PGBD2: variants seen among roughly 807,000 people sequenced by gnomAD.
PGBD2 encodes the protein piggyBac transposable element derived 2.
Under a neutral mutation model 8.1 loss-of-function variants are expected in PGBD2, and 6 were observed. The ratio of observed to expected loss-of-function variants is 0.74; its 90% CI spans 0.40 to 1.46. PGBD2 has a LOEUF of 1.46. PGBD2 is among the 40% of genes most tolerant of loss of function. PGBD2 has a pLI of 0.02. For synonymous variants in PGBD2, 318 were observed against 272.2 expected, an observed-to-expected ratio of 1.17 and a Z score of -1.66; for missense variants, 802 against 739.0, an observed-to-expected ratio of 1.09 and a Z score of -0.99.
chr1:248,910,549 C>T (rs1048769216), intron 1 of PGBD2, among the ~76,000 whole-genome samples: 6 of 152,290 alleles, frequency 3.9e-5, no homozygotes, highest in African/African-American at 7.2e-5. Context: ...TCGCTGGTGG[C>T]TCCATATTAC....
chr1:248,906,713 A>G (rs1000970469), intron 1 of PGBD2, among the ~76,000 whole-genome samples: 3 of 149,622 alleles, frequency 2.0e-5, no homozygotes, highest in Non-Finnish European at 3.0e-5. Flanking sequence ...TGGCGGCGGG[A>G]CTGCGAATGC....
the PGBD2 span, among the ~76,000 whole-genome samples, chr1:248,875,160 G>C: frequency 2.0e-5 from 3 of 152,038 alleles, no homozygotes; most frequent in Non-Finnish European, 4.4e-5. Context: ...GCTGAGCGTG[G>C]TGGCAGGTGC....
At chr1:248,889,032 G>T in the PGBD2 span, among the ~76,000 whole-genome samples, 1 of 151,512 alleles carries the variant, frequency 6.6e-6, no homozygotes, top group Admixed American at 6.6e-5. Context: ...CATTCTAAGT[G>T]TTTCTTACTT....
downstream of PGBD2, among the ~76,000 whole-genome samples, chr1:248,922,075 T>C (rs1662296504): frequency 1.3e-5 from 2 of 151,448 alleles, no homozygotes; most frequent in Admixed American, 6.6e-5. Flanking sequence ...TTTTTTTTTT[T>C]TTGAGACAGA....
intron 1 of PGBD2, among the ~76,000 whole-genome samples, chr1:248,910,083 C>G (rs1259589537): frequency 1.3e-5 from 2 of 152,198 alleles, no homozygotes; most frequent in African/African-American, 4.8e-5. Context: ...GCAACTGTGA[C>G]ATGGTAACAC....
intron 1 of PGBD2, among the ~76,000 whole-genome samples, chr1:248,909,151 G>A (rs1307159929): frequency 3.3e-5 from 5 of 152,106 alleles, no homozygotes; most frequent in Admixed American, 6.5e-5. Context: ...TAGGAGCACT[G>A]GTTACCCATG....
At chr1:248,925,664 G>C in the PGBD2 span, among the ~76,000 whole-genome samples, 1 of 151,780 alleles carries the variant, frequency 6.6e-6, no homozygotes, top group Non-Finnish European at 1.5e-5. Context: ...GAAGAGGCAG[G>C]CTGCTAATCC....
At chr1:248,926,304 T>C in the PGBD2 span, among the ~76,000 whole-genome samples, 9 of 152,148 alleles carry the variant, frequency 5.9e-5, no homozygotes, top group Admixed American at 5.9e-4. Context: ...AATTTTACAT[T>C]ATTATTAATA....
chr1:248,918,208 G>C lies in PGBD2; in HGVS notation c.1624G>C (p.Glu542Gln). 1 of 1,614,172 alleles carries C rather than the reference G, an allele frequency of 6.2e-7. No individual in the cohort carries two copies. Among genetic ancestry groups the C allele is most frequent in the Non-Finnish European group, 8.5e-7 (1 of 1,180,020 alleles). The change falls in exon 3 of 3, where the codon GAG becomes CAG. Residue 542 changes from glutamate (E) to glutamine (Q), a missense_variant. Glu to Gln is a conservative substitution (Grantham distance 29). Coordinates refer to ENST00000329291, the MANE Select transcript of PGBD2 (RefSeq NM_170725.3). ...TSQGRRSRRL[E>Q]TESRFDMIGH... ...TCAAGGGAGGCGAAGCAGGCGGTTG[G>C]AGACTGAGAGCCGCTTCGATATGAT...
chr1:248,881,067 C>T, the PGBD2 span, among the ~76,000 whole-genome samples: 2 of 152,120 alleles, frequency 1.3e-5, no homozygotes, highest in Non-Finnish European at 2.9e-5. Flanking sequence ...CCATGGTGCC[C>T]AGCCTAGGAG....
the PGBD2 span, among the ~76,000 whole-genome samples, chr1:248,879,838 A>G: frequency 6.6e-6 from 1 of 152,244 alleles, no homozygotes; most frequent in South Asian, 2.1e-4. Context: ...CATTTGTGTG[A>G]TTATGGGGCT....
intron 1 of PGBD2, among the ~76,000 whole-genome samples, chr1:248,907,731 A>C (rs6685913): frequency 0.079 from 12,032 of 152,234 alleles, 1,395 homozygotes; most frequent in African/African-American, 0.26. Context: ...CCTTGATTCC[A>C]TACAACACAT....
At chr1:248,927,391 C>T in the PGBD2 span, among the ~76,000 whole-genome samples, 1 of 152,104 alleles carries the variant, frequency 6.6e-6, no homozygotes, top group South Asian at 2.1e-4. Context: ...GAAGCTGTGT[C>T]GATTGTGGTA....
At chr1:248,899,429 C>A in the PGBD2 span, among the ~76,000 whole-genome samples, 1 of 152,022 alleles carries the variant, frequency 6.6e-6, no homozygotes, top group African/African-American at 2.4e-5. Flanking sequence ...AATTAGAATT[C>A]AAGATTAAGA....
chr1:248,908,848 G>T (rs1421933329), intron 1 of PGBD2, among the ~76,000 whole-genome samples: 2 of 151,994 alleles, frequency 1.3e-5, no homozygotes, highest in Non-Finnish European at 2.9e-5. Flanking sequence ...TTTGCCTGGG[G>T]TGCTATTCCC....
At chr1:248,874,706 T>G in the PGBD2 span, among the ~76,000 whole-genome samples, 1 of 152,078 alleles carries the variant, frequency 6.6e-6, no homozygotes, top group Non-Finnish European at 1.5e-5. Flanking sequence ...GACGCTTGAG[T>G]AATTGTCGCT....
chr1:248,910,041 GAGGAAA>G (rs1661809431), intron 1 of PGBD2, among the ~76,000 whole-genome samples: 1 of 152,234 alleles, frequency 6.6e-6, no homozygotes, highest in Non-Finnish European at 1.5e-5. Context: ...AGGCACAGTG[GAGGAAA>G]AGGTGGTAAA....
chr1:248,907,132 G>C (rs1661675832), intron 1 of PGBD2, among the ~76,000 whole-genome samples: 1 of 152,210 alleles, frequency 6.6e-6, no homozygotes, highest in Non-Finnish European at 1.5e-5. Flanking sequence ...GAGGAATGCG[G>C]TAGGAGAGCA....
chr1:248,923,473 C>T (rs1662326938), downstream of PGBD2, among the ~76,000 whole-genome samples: 1 of 152,034 alleles, frequency 6.6e-6, no homozygotes, highest in Non-Finnish European at 1.5e-5. Flanking sequence ...CTGCTCTGAT[C>T]TTGCCACCAG....
Sources: gnomAD v4.1 joint callset for allele counts (sites outside exome capture counted in the v4.1 genomes callset) on GRCh38, gnomAD v4.1.1 for gene constraint, MANE v1.5 for transcripts, NCBI Gene and HGNC (gene_info 2026-07-23, HGNC 2026-07-21) for gene names.